Variants in ACP2 observed in about 807,000 individuals in gnomAD.
ACP2 encodes lysosomal acid phosphatase.
In ACP2, 35 loss-of-function variants were observed where a neutral mutation model predicts 54.7. The ratio of observed to expected loss-of-function variants is 0.64; its 90% confidence interval spans 0.49 to 0.85. The LOEUF (loss-of-function observed/expected upper bound fraction) is 0.85, where lower values mean the gene tolerates loss of function less well. ACP2 is among the 40% of genes least tolerant of loss of function. The pLI is 0.00. For missense variants in ACP2, 492 were observed against 565.0 expected (o/e 0.87, Z 1.31); for synonymous variants, 210 against 224.4 (o/e 0.94, Z 0.57).
Position 47,244,851 on chromosome 11 carries a change from C to G in ACP2, c.656G>C (p.Arg219Pro), listed in dbSNP as rs138968159. 1 of 1,608,884 alleles carries G rather than the reference C, an allele frequency of 6.2e-7. No homozygotes were observed. The highest frequency in any genetic ancestry group is 1.7e-5 in the Admixed American group (1 of 59,678). The change falls in exon 7 of 11, where the codon CGC (arginine) becomes CCC (proline). Residue 219 changes from arginine to proline, a missense_variant. By Grantham distance (103) the Arg-to-Pro change is moderately radical (BLOSUM62 -2). Coordinates refer to ENST00000672073, the MANE Select transcript of ACP2 (RefSeq NM_001610.4). Reference sequence around the variant, plus strand: ...TTGGGGTGAGGCCCAGGGCGGCAGGCGCAGCCCGTGCGTTTGCTGTGTATC... The same window carrying G: ...TTGGGGTGAGGCCCAGGGCGGCAGGGGCAGCCCGTGCGTTTGCTGTGTATC... The part of the protein sequence containing the change: ...TLFCEQTHGL[R>P]LPPWASPQTM...
chr11:47,245,503 C>T lies in ACP2; in HGVS notation c.520G>A (p.Glu174Lys), dbSNP rs758006727. The change falls in exon 5 of 11, where the codon GAG becomes AAG. Residue 174 changes from glutamate (E) to lysine (K), a missense_variant. By Grantham distance (56) the Glu-to-Lys change is moderately conservative. Coordinates refer to ENST00000672073, the MANE Select transcript of ACP2 (RefSeq NM_001610.4). Reference sequence around the variant, plus strand: ...TTCCGAGAACTCTCATTCTGATACTCTGGTGTCTGCCGGGTCTCGTTCTGC... The same window carrying T: ...TTCCGAGAACTCTCATTCTGATACTTTGGTGTCTGCCGGGTCTCGTTCTGC... ...QLQNETRQTP[E>K]YQNESSRNAQ... 1.2e-6 allele frequency: 2 copies of T among 1,614,244 alleles called. No individual in the cohort carries two copies. The highest frequency in any genetic ancestry group is 3.3e-5 in the Admixed American group (2 of 60,030).
At chr11:47,242,442 C>T (rs549199675) in intron 10 of ACP2, among the ~76,000 whole-genome samples, 33 of 151,986 alleles carry the variant, frequency 2.2e-4, no homozygotes, top group Non-Finnish European at 4.0e-4. Context: ...AACCCAAGTG[C>T]GGGTGGAGAG....
At position 47,247,988 on chromosome 11, in the gene ACP2, C is replaced by T. The variant is rs1311654816; in HGVS notation, c.210+50G>A. The T allele has an allele frequency of 1.7e-5, 25 of 1,478,516 alleles. No homozygotes were observed. In the East Asian group the frequency reaches 5.4e-4, roughly 32 times the overall value. The allele number at this position is 1,478,516 out of a possible 1,614,324, so 91.6% of individuals were successfully genotyped here. A position where few individuals can be genotyped will look rare whatever the true frequency, so the allele number is the denominator to read the frequency against. On this transcript the variant is annotated intron_variant, in intron 2 of 10. Transcript: ENST00000672073. The stretch of plus-strand genomic sequence containing the variant: ...CCCAAGTTTTGTAGACTGCTCTAGA[C>T]GTCGCTCATTCTGCAGCTCATCCTG...
intron 10 of ACP2, among the ~76,000 whole-genome samples, chr11:47,242,068 C>A (rs561950335): frequency 2.0e-5 from 3 of 152,240 alleles, no homozygotes; most frequent in East Asian, 1.9e-4. Flanking sequence ...GAGGAAGGGA[C>A]GCCTGAAAGT....
Position 47,248,671 on chromosome 11 carries a change from A to C in ACP2, c.114+5T>G, listed in dbSNP as rs767915526. On this transcript the variant is annotated splice_donor_5th_base_variant and intron_variant, in intron 1 of 10. Transcript: ENST00000672073. ...GAAGTCTTTGGTGAGCCCATCTCTCATTACCAAGGTAACGAAGCGCAGACT... is the reference window on the plus strand; with the variant it reads ...GAAGTCTTTGGTGAGCCCATCTCTCCTTACCAAGGTAACGAAGCGCAGACT... 20 of 1,608,892 alleles carry C rather than the reference A, an allele frequency of 1.2e-5. No individual in the cohort carries two copies. The highest frequency in any genetic ancestry group is 1.6e-5 in the Non-Finnish European group (19 of 1,177,860).
rs1335809518 is a variant in ACP2, at chr11:47,240,695, C to T, written c.1139-446G>A. Among the ~76,000 whole-genome samples, 6 of 152,060 alleles carry T rather than the reference C, an allele frequency of 3.9e-5. 1 individual carries two copies. The highest frequency in any genetic ancestry group is 2.6e-4 in the Admixed American group (4 of 15,246). ...AATTAGCTGGGCATGGTGGTGTGCA[C>T]CTGTAATCCCAACTACTCGGGAGGC... On this transcript the variant is annotated intron_variant, in intron 10 of 10. Transcript: ENST00000672073.
At chr11:47,242,992 C>T in intron 9 of ACP2, 26 bp downstream of exon 9, 1 of 1,613,856 alleles carries the variant, frequency 6.2e-7, no homozygotes, top group Non-Finnish European at 8.5e-7. Context: ...GGCCCCCCTC[C>T]AGAGGACACT....
At chr11:47,240,685 G>A (rs1007437730) in intron 10 of ACP2, among the ~76,000 whole-genome samples, 48 of 152,172 alleles carry the variant, frequency 3.2e-4, no homozygotes, top group Non-Finnish European at 4.0e-4. Flanking sequence ...GCTGGGCATG[G>A]TGGTGTGCAC....
In ACP2 at chr11:47,245,288, C is replaced by T; in HGVS notation, c.639+17G>A. ...GAGGGAAAAGAATGATCACAGTGGG[C>T]ACCCTAGTGGGCTCACCTCACAGAA... is the stretch of plus-strand genomic sequence containing the variant. On this transcript the variant is annotated intron_variant, in intron 6 of 10. Coordinates refer to ENST00000672073, the MANE Select transcript of ACP2 (RefSeq NM_001610.4). The T allele has an allele frequency of 6.2e-7, 1 of 1,612,028 alleles. No individual in the cohort carries two copies.
intron 2 of ACP2, 135 bp downstream of exon 2, chr11:47,247,903 T>A: frequency 1.1e-6 from 1 of 946,126 alleles, no homozygotes; most frequent in Non-Finnish European, 1.6e-6. Flanking sequence ...GCACAGAGAT[T>A]AAGGTTATGA....
intron 6 of ACP2, 163 bp from the exon 7 acceptor site, chr11:47,245,030 C>T: frequency 7.5e-7 from 1 of 1,339,862 alleles, no homozygotes; most frequent in Admixed American, 2.3e-5. Context: ...GTGGATGCTT[C>T]AGGGCACAGG....
chr11:47,245,147 C>CT, intron 6 of ACP2, 158 bp downstream of exon 6: 1 of 952,062 alleles, frequency 1.1e-6, no homozygotes, highest in Non-Finnish European at 1.7e-6. Context: ...CTGAGGATCT[C>CT]TGTCACCCAT....
chr11:47,239,402 A>T lies in ACP2; in HGVS notation c.*714T>A, dbSNP rs1953809086. The T allele has an allele frequency of 1.1e-5, 2 of 179,844 alleles. No individual in the cohort carries two copies. Among genetic ancestry groups the T allele is most frequent in the South Asian group, 3.2e-4 (2 of 6,282 alleles). The allele number at this position is 179,844 out of a possible 1,614,324, so 11.1% of individuals were successfully genotyped here. On this transcript the variant is annotated 3_prime_UTR_variant, in exon 11 of 11. Coordinates refer to ENST00000672073, the MANE Select transcript of ACP2 (RefSeq NM_001610.4). ...CTTTCTTTTCCAGCTCACAACCTGCATGTAGCTCAGGTCCCTGGAGACCCC... is the reference window on the plus strand; with the variant it reads ...CTTTCTTTTCCAGCTCACAACCTGCTTGTAGCTCAGGTCCCTGGAGACCCC...
rs199906401 is a variant in ACP2, at chr11:47,245,807, G to A, written c.325C>T (p.Arg109Trp). ...TTGGCCTCAGCACTCATGAGAGTCC[G>A]GTCAAAGTCTGTGCTTCGCACATAA... The part of the protein sequence containing the change: ...EVYVRSTDFD[R>W]TLMSAEANLA... The change falls in exon 4 of 11, where the codon CGG becomes TGG. Residue 109 changes from arginine (R) to tryptophan (W), a missense_variant. By Grantham distance (101) the Arg-to-Trp change is moderately radical. Coordinates refer to ENST00000672073, the MANE Select transcript of ACP2 (RefSeq NM_001610.4). The A allele has an allele frequency of 1.7e-5, 27 of 1,590,850 alleles. No individual in the cohort carries two copies. Among genetic ancestry groups the A allele is most frequent in the South Asian group, 1.1e-4 (10 of 87,652 alleles).
At chr11:47,247,145 G>A (rs1954157191) in intron 3 of ACP2, among the ~76,000 whole-genome samples, 1 of 152,116 alleles carries the variant, frequency 6.6e-6, no homozygotes, top group African/African-American at 2.4e-5. Flanking sequence ...TGGCGCAGCA[G>A]ACAGGGCTCA....
chr11:47,248,609 A>G, intron 1 of ACP2, 67 bp downstream of exon 1: 1 of 1,559,316 alleles, frequency 6.4e-7, no homozygotes, highest in Non-Finnish European at 8.7e-7. Flanking sequence ...GAGATCCTCG[A>G]CCTCCACCAG....
rs12416890 is a variant in ACP2, at chr11:47,241,530, A to G, written c.1138+1193T>C. Among the ~76,000 whole-genome samples the G allele has an allele frequency of 3.0e-3, 461 of 152,342 alleles. 2 individuals are homozygous for G. Among genetic ancestry groups the G allele is most frequent in the Middle Eastern group, 6.8e-3 (2 of 294 alleles). On this transcript the variant is annotated intron_variant, in intron 10 of 10. Coordinates refer to ENST00000672073, the MANE Select transcript of ACP2 (RefSeq NM_001610.4). ...AAAACTCCATCTCAAAAAAATAAAAAAAGTTAACTCTGCTGTGTTGAAAGA... is the reference window on the plus strand; with the variant it reads ...AAAACTCCATCTCAAAAAAATAAAAGAAGTTAACTCTGCTGTGTTGAAAGA...
At chr11:47,246,069 C>A (rs1459165893) in intron 3 of ACP2, among the ~76,000 whole-genome samples, 2 of 152,202 alleles carry the variant, frequency 1.3e-5, no homozygotes, top group Non-Finnish European at 2.9e-5. Context: ...CCCCATCCCC[C>A]AAACACTCCA....
rs376464654 is a variant in ACP2 at position 47,244,946 on chromosome 11, A to G, written c.640-79T>C. 1.1e-3 allele frequency: 1,647 copies of G among 1,494,574 alleles called. 13 individuals carry two copies. In the Middle Eastern group the frequency reaches 0.021, roughly 19 times the overall value. 92.6% of individuals were successfully genotyped at this position (1,494,574 alleles called of 1,614,324 possible). ...GGGGCAGCTCTCTTCCCTAGTGGGAAGGTGCCTGTGTGTGTGAGGGAGGGA... is the reference window on the plus strand; with the variant it reads ...GGGGCAGCTCTCTTCCCTAGTGGGAGGGTGCCTGTGTGTGTGAGGGAGGGA... On this transcript the variant is annotated intron_variant, in intron 6 of 10. Transcript: ENST00000672073.
Sources: allele counts gnomAD v4.1 joint callset (sites outside exome capture counted in the v4.1 genomes callset), GRCh38; gene constraint gnomAD v4.1.1; transcripts MANE v1.5; gene names NCBI Gene and HGNC (gene_info 2026-07-23, HGNC 2026-07-21).